USP9X: variants seen among roughly 807,000 people sequenced by gnomAD.
USP9X encodes the protein ubiquitin specific peptidase 9 X-linked, also known as ubiquitin carboxyl-terminal hydrolase 9X.
USP9X carries 7 observed loss-of-function variants against 190.3 expected under a neutral mutation model. The ratio of observed to expected loss-of-function variants is 0.04; its 90% confidence interval spans 0.02 to 0.07. The LOEUF is 0.07. Ranked by LOEUF, USP9X falls within the 10% of genes least tolerant of loss-of-function variation. The pLI is 1.00. For synonymous variants in USP9X, 645 were observed against 659.5 expected, an observed-to-expected ratio of 0.98 and a Z score of 0.34; for missense variants, 1,010 against 1,916.9, an observed-to-expected ratio of 0.53 and a Z score of 8.83.
intron 14 of USP9X, among the ~76,000 whole-genome samples, chrX:41,160,119 A>G (rs1267160242): frequency 9.1e-6 from 1 of 109,719 alleles, no homozygotes; most frequent in African/African-American, 3.3e-5. Context: ...GCCATGATTC[A>G]CTACCTCTTC....
At chrX:41,183,880 C>G in intron 21 of USP9X, 118 bp from the exon 22 acceptor site, 1 of 888,555 alleles carries the variant, frequency 1.1e-6, no homozygotes, top group Non-Finnish European at 1.5e-6. Context: ...GAAGTTTGAG[C>G]CTATAGCCCA....
chrX:41,190,608 T>C (rs1457948482), intron 26 of USP9X, among the ~76,000 whole-genome samples: 1 of 112,059 alleles, frequency 8.9e-6, no homozygotes, highest in Non-Finnish European at 1.9e-5. Context: ...ACAGTTTTAA[T>C]GATGTCAAAC....
intron 1 of USP9X, among the ~76,000 whole-genome samples, chrX:41,096,992 A>ATT (rs1363932285): frequency 5.4e-5 from 6 of 111,882 alleles, no homozygotes; most frequent in Admixed American, 9.6e-5. Context: ...ATATTCCTCC[A>ATT]TTTACTTGTC....
intron 33 of USP9X, among the ~76,000 whole-genome samples, chrX:41,213,925 A>T (rs1376590817): frequency 8.9e-6 from 1 of 112,279 alleles, no homozygotes; most frequent in Non-Finnish European, 1.9e-5. Context: ...CTCTCAGTCT[A>T]TCCATTGGAT....
At chrX:41,117,006 A>G (rs750328088) in intron 1 of USP9X, among the ~76,000 whole-genome samples, 48 of 111,789 alleles carry the variant, frequency 4.3e-4, no homozygotes, top group South Asian at 4.1e-3. Context: ...ATGTGGTAGT[A>G]GAGAGATGCA....
At chrX:41,229,536 C>G (rs1416601141) in intron 42 of USP9X, 31 bp from the exon 43 acceptor site, 17 of 1,199,186 alleles carry the variant, frequency 1.4e-5, no homozygotes, top group Non-Finnish European at 1.8e-5. Context: ...TCCAAATCCT[C>G]TTATCTATAT....
chrX:41,228,439 A>C (rs1215830617), intron 41 of USP9X, among the ~76,000 whole-genome samples: 1 of 111,615 alleles, frequency 9.0e-6, no homozygotes, highest in African/African-American at 3.3e-5. Flanking sequence ...GTTATTGGCA[A>C]ATCAGCCAAA....
intron 16 of USP9X, 132 bp from the exon 17 acceptor site, chrX:41,167,350 G>T (rs775934493): frequency 4.4e-6 from 2 of 454,850 alleles, no homozygotes; most frequent in Admixed American, 4.6e-5. Flanking sequence ...AATTTTACTT[G>T]ATTATCAAAG....
At chrX:41,151,456 A>G (rs1054031848) in intron 13 of USP9X, among the ~76,000 whole-genome samples, 5 of 112,023 alleles carry the variant, frequency 4.5e-5, no homozygotes, top group Admixed American at 9.4e-5. Flanking sequence ...ATTTTAGCTA[A>G]ATTTCTTTTT....
intron 23 of USP9X, 94 bp from the exon 24 acceptor site, chrX:41,186,423 G>GAGAA: frequency 2.0e-6 from 2 of 1,024,882 alleles, no homozygotes; most frequent in Non-Finnish European, 2.7e-6. Context: ...CAAGGAAGTC[G>GAGAA]TTCTGCAGGA....
rs758986465 is a variant in USP9X at position 41,165,179 on chromosome X, T to C, written c.1986-693T>C. On this transcript the variant is annotated intron_variant, in intron 15 of 44. Coordinates refer to ENST00000378308, the MANE Select transcript of USP9X (RefSeq NM_001039591.3). ...TGCTAAGTCTTTTTTCTGGTTGTTG[T>C]TGTTGGAGACAGGGTCTCACCCAGG... 5.5e-4 allele frequency among the ~76,000 whole-genome samples: 62 copies of C among 112,049 alleles called. 1 individual carries two copies. The highest frequency in any genetic ancestry group is 2.0e-3 in the Admixed American group (21 of 10,557).
rs760972686 is a variant in USP9X, at chrX:41,129,046, C to T, written c.143C>T (p.Pro48Leu). 1.8e-5 allele frequency: 22 copies of T among 1,209,046 alleles called. No homozygotes were observed. The highest frequency in any genetic ancestry group is 5.3e-5 in the African/African-American group (3 of 57,137). ...AATGAAAATTCCCCGGCAACTCCCCCAGATGAGCAAGGTCAAGGTGATGCC... is the reference window on the plus strand; with the variant it reads ...AATGAAAATTCCCCGGCAACTCCCCTAGATGAGCAAGGTCAAGGTGATGCC... ...SSNENSPATP[P>L]DEQGQGDAPP... Residue 48 changes from proline to leucine, a missense_variant, in exon 3 of 45, where the codon CCA becomes CTA. Pro to Leu is a moderately conservative substitution (Grantham distance 98). Around this residue, in one of 11 missense-constraint regions of USP9X, gnomAD observed 176 missense variants for 247.5 expected, o/e 0.71. Transcript: ENST00000378308.
chrX:41,165,331 T>G (rs1413824575), intron 15 of USP9X, among the ~76,000 whole-genome samples: 1 of 111,830 alleles, frequency 8.9e-6, no homozygotes, highest in Non-Finnish European at 1.9e-5. Context: ...GTTCAATTGA[T>G]TCTCATGCCT....
chrX:41,112,383 A>G (rs769409844), intron 1 of USP9X, among the ~76,000 whole-genome samples: 15 of 112,238 alleles, frequency 1.3e-4, no homozygotes, highest in East Asian at 5.6e-4. Context: ...GGAAGAGCCA[A>G]GGGTTTTAGA....
intron 26 of USP9X, among the ~76,000 whole-genome samples, chrX:41,191,788 T>C (rs761060889): frequency 8.9e-6 from 1 of 112,184 alleles, no homozygotes; most frequent in East Asian, 2.8e-4. Context: ...TAAAATACTT[T>C]GAGAATTGGA....
intron 1 of USP9X, among the ~76,000 whole-genome samples, chrX:41,107,238 C>T (rs1307802776): frequency 2.7e-5 from 3 of 110,041 alleles, no homozygotes; most frequent in African/African-American, 3.3e-5. Context: ...AGGCTGGTCT[C>T]GAACTTCTGA....
intron 1 of USP9X, among the ~76,000 whole-genome samples, chrX:41,118,948 A>G (rs12009794): frequency 0.19 from 21,423 of 110,652 alleles, 1,588 homozygotes; most frequent in Admixed American, 0.27. Context: ...TCAAGAAGGG[A>G]GAGGTGGTCA....
At chrX:41,107,360 A>G (rs2062078367) in intron 1 of USP9X, among the ~76,000 whole-genome samples, 1 of 112,261 alleles carries the variant, frequency 8.9e-6, no homozygotes, top group Non-Finnish European at 1.9e-5. Context: ...ATGCCATCCC[A>G]CTGCCTTCTG....
chrX:41,214,224 A>G (rs1025646772), intron 33 of USP9X, among the ~76,000 whole-genome samples: 11 of 112,614 alleles, frequency 9.8e-5, no homozygotes, highest in African/African-American at 3.5e-4. Flanking sequence ...ATCTAAACAG[A>G]TAACACTAGA....
Sources: allele counts gnomAD v4.1 joint callset (sites outside exome capture counted in the v4.1 genomes callset), GRCh38; gene constraint gnomAD v4.1.1; regional missense constraint gnomAD v4.1.1; transcripts MANE v1.5; gene names NCBI Gene and HGNC (gene_info 2026-07-23, HGNC 2026-07-21).